Variants in DLGAP2 observed in about 807,000 individuals in gnomAD.
The protein encoded by DLGAP2 is DLG associated protein 2.
In DLGAP2, 26 loss-of-function variants were observed where a neutral mutation model predicts 100.3. The ratio of observed to expected loss-of-function variants is 0.26; its 90% CI spans 0.19 to 0.36. The LOEUF (loss-of-function observed/expected upper bound fraction) is 0.36. DLGAP2 is among the 10% of genes least tolerant of loss of function. The pLI is 1.00. For missense variants in DLGAP2, 1,858 were observed against 1,453.2 expected (o/e 1.28, Z -4.53); for synonymous variants, 886 against 630.1 (o/e 1.41, Z -6.08).
intron 8 of DLGAP2, among the ~76,000 whole-genome samples, chr8:1,667,261 C>T (rs1387759840): frequency 6.6e-6 from 1 of 152,176 alleles, no homozygotes; most frequent in Non-Finnish European, 1.5e-5. Context: ...TGAGTCCAGG[C>T]CAAGGTGCCT....
At position 1,101,314 on chromosome 8, in the gene DLGAP2, T is replaced by C. The variant is rs140697466; in HGVS notation, c.74-157537T>C. Among the ~76,000 whole-genome samples the C allele has an allele frequency of 6.1e-3, 929 of 152,316 alleles. 12 individuals are homozygous for C. Among genetic ancestry groups the C allele is most frequent in the African/African-American group, 0.021 (878 of 41,572 alleles). On this transcript the variant is annotated intron_variant, in intron 2 of 14. Transcript: ENST00000637795. ...GGCCGAGGAGCAGGGGGGCCATTTG[T>C]TGGCCAGTGTATGCTCTGCTTGCAG...
At chr8:1,130,166 C>T (rs527289695) in intron 2 of DLGAP2, among the ~76,000 whole-genome samples, 35 of 152,028 alleles carry the variant, frequency 2.3e-4, no homozygotes, top group African/African-American at 7.7e-4. Flanking sequence ...GAGTGGTGTC[C>T]GATGCAGAGG....
chr8:1,358,655 G>T (rs1480321588), intron 3 of DLGAP2, among the ~76,000 whole-genome samples: 2 of 152,184 alleles, frequency 1.3e-5, no homozygotes, highest in Non-Finnish European at 2.9e-5. Flanking sequence ...TGGCCGTGGT[G>T]AAGAAGGCTT....
At chr8:1,066,915 C>T (rs554731669) in intron 2 of DLGAP2, among the ~76,000 whole-genome samples, 3 of 152,344 alleles carry the variant, frequency 2.0e-5, no homozygotes, top group South Asian at 2.1e-4. Context: ...ATACCCATTG[C>T]CTCGGACCTC....
intron 2 of DLGAP2, among the ~76,000 whole-genome samples, chr8:1,187,952 C>T (rs113982133): frequency 2.5e-5 from 3 of 121,084 alleles, no homozygotes; most frequent in Non-Finnish European, 4.7e-5. Flanking sequence ...ACTTCCGTGA[C>T]GTTTCCCTCA....
Position 1,453,891 on chromosome 8 carries a change from C to G in DLGAP2, c.107-47475C>G, listed in dbSNP as rs77813434. Among the ~76,000 whole-genome samples, 230 of 152,340 alleles carry G rather than the reference C, an allele frequency of 1.5e-3. No homozygotes were observed. In the East Asian group the frequency reaches 0.029, roughly 19 times the overall value. Reference sequence around the variant, plus strand: ...CATGGAAACTGGATATTCAGATGCTCTGAGATATTTTTGTCTTTGGGGTTT... The same window carrying G: ...CATGGAAACTGGATATTCAGATGCTGTGAGATATTTTTGTCTTTGGGGTTT... On this transcript the variant is annotated intron_variant, in intron 3 of 14. Coordinates refer to ENST00000637795, the MANE Select transcript of DLGAP2 (RefSeq NM_001346810.2).
intron 2 of DLGAP2, among the ~76,000 whole-genome samples, chr8:1,212,520 A>G (rs925217150): frequency 2.0e-5 from 3 of 152,174 alleles, no homozygotes; most frequent in Non-Finnish European, 4.4e-5. Context: ...GATGAGATAG[A>G]TGAAATCTCA....
At chr8:1,048,159 G>A (rs61212863) in intron 2 of DLGAP2, among the ~76,000 whole-genome samples, 8,161 of 152,108 alleles carry the variant, frequency 0.054, 694 homozygotes, top group African/African-American at 0.19. Context: ...GAATACAAAC[G>A]AACTGGATAG....
intron 2 of DLGAP2, among the ~76,000 whole-genome samples, chr8:946,492 T>C (rs909856947): frequency 6.6e-6 from 1 of 152,100 alleles, no homozygotes; most frequent in African/African-American, 2.4e-5. Context: ...CTCGATCTCC[T>C]GACCTTGTGA....
intron 2 of DLGAP2, among the ~76,000 whole-genome samples, chr8:1,206,988 CAG>C (rs1798010394): frequency 1.3e-5 from 2 of 152,328 alleles, no homozygotes; most frequent in South Asian, 4.1e-4. Context: ...CCCACCCTCC[CAG>C]AGAGGCTCCT....
chr8:1,666,464 T>C (rs1378995588), intron 8 of DLGAP2, among the ~76,000 whole-genome samples: 7 of 152,162 alleles, frequency 4.6e-5, no homozygotes, highest in Non-Finnish European at 1.0e-4. Context: ...TCTGAGGTCC[T>C]GAGGTCAGGA....
At chr8:1,298,692 A>G (rs928032283) in intron 3 of DLGAP2, among the ~76,000 whole-genome samples, 1 of 152,188 alleles carries the variant, frequency 6.6e-6, no homozygotes, top group Non-Finnish European at 1.5e-5. Flanking sequence ...GGGCCCCAGG[A>G]CAAGCATGCA....
At chr8:836,195 C>T (rs1303633657) in intron 1 of DLGAP2, among the ~76,000 whole-genome samples, 1 of 152,158 alleles carries the variant, frequency 6.6e-6, no homozygotes, top group East Asian at 1.9e-4. Context: ...AGCTGCGGGC[C>T]GGGGACTCGG....
intron 6 of DLGAP2, among the ~76,000 whole-genome samples, chr8:1,581,505 G>A (rs1803257329): frequency 6.8e-6 from 1 of 147,738 alleles, no homozygotes; most frequent in Non-Finnish European, 1.5e-5. Context: ...TACCAGAAGT[G>A]AAGGATACAG....
intron 4 of DLGAP2, among the ~76,000 whole-genome samples, chr8:1,531,656 TA>T (rs926234802): frequency 3.7e-4 from 56 of 152,324 alleles, no homozygotes; most frequent in African/African-American, 1.3e-3. Flanking sequence ...TTTCCTTTTT[TA>T]TATTTTAATA....
At chr8:1,172,671 C>T (rs1451305492) in intron 2 of DLGAP2, among the ~76,000 whole-genome samples, 1 of 152,134 alleles carries the variant, frequency 6.6e-6, no homozygotes, top group Non-Finnish European at 1.5e-5. Context: ...TCCAGTTGAT[C>T]ACATCGGCTC....
intron 5 of DLGAP2, among the ~76,000 whole-genome samples, chr8:1,564,154 G>T (rs141997973): frequency 6.6e-6 from 1 of 152,106 alleles, no homozygotes; most frequent in Non-Finnish European, 1.5e-5. Context: ...CTTTGTAAAC[G>T]TGAGTTTGAC....
intron 2 of DLGAP2, among the ~76,000 whole-genome samples, chr8:926,605 C>T (rs1798821436): frequency 6.6e-6 from 1 of 152,226 alleles, no homozygotes; most frequent in Non-Finnish European, 1.5e-5. Context: ...GCAGGTTTCA[C>T]CGGGTGGCAC....
At chr8:1,597,945 C>G (rs987363837) in intron 6 of DLGAP2, among the ~76,000 whole-genome samples, 2 of 152,074 alleles carry the variant, frequency 1.3e-5, no homozygotes, top group African/African-American at 4.8e-5. Context: ...CTGTCTTGTG[C>G]CAGTTTTCAA....
Sources: gnomAD v4.1 joint callset for allele counts (sites outside exome capture counted in the v4.1 genomes callset) on GRCh38, gnomAD v4.1.1 for gene constraint, MANE v1.5 for transcripts, NCBI Gene and HGNC (gene_info 2026-07-23, HGNC 2026-07-21) for gene names.